Variants in EYS observed in about 807,000 individuals in gnomAD.
The protein encoded by EYS is protein eyes shut homolog.
In EYS, 250 loss-of-function variants were observed where a neutral mutation model predicts 282.1. The ratio of observed to expected loss-of-function variants is 0.89; its 90% CI spans 0.80 to 0.98. EYS has a LOEUF of 0.98. EYS is among the 50% of genes least tolerant of loss of function. EYS has a pLI of 0.00. For missense variants in EYS, 4,016 were observed against 3,709.0 expected, an observed-to-expected ratio of 1.08 and a Z score of -2.15; for synonymous variants, 1,355 against 1,282.9, an observed-to-expected ratio of 1.06 and a Z score of -1.20.
At chr6:65,273,663 T>G (rs113982321) in intron 12 of EYS, among the ~76,000 whole-genome samples, 1 of 152,200 alleles carries the variant, frequency 6.6e-6, no homozygotes, top group Non-Finnish European at 1.5e-5. Flanking sequence ...AGTTCTTGTT[T>G]TCCTTGCAAT....
intron 33 of EYS, among the ~76,000 whole-genome samples, chr6:64,001,056 A>G (rs960095977): frequency 6.6e-6 from 1 of 152,240 alleles, no homozygotes; most frequent in South Asian, 2.1e-4. Flanking sequence ...CCTCTCAAGT[A>G]TTGCTGAGGC....
In EYS at chr6:65,692,577, G is replaced by A. The variant is rs1769283333; in HGVS notation, c.-448+14558C>T. 1.3e-5 allele frequency among the ~76,000 whole-genome samples: 2 copies of A among 149,958 alleles called. 1 individual carries two copies. The highest frequency in any genetic ancestry group is 3.0e-5 in the Non-Finnish European group (2 of 67,584). Reference sequence around the variant, plus strand: ...TTGTGATATTATAATTGTAAAAGATGTCACTACAATGATAAATATAAATGG... The same window carrying A: ...TTGTGATATTATAATTGTAAAAGATATCACTACAATGATAAATATAAATGG... On this transcript the variant is annotated intron_variant, in intron 1 of 42. Coordinates refer to ENST00000503581, the MANE Select transcript of EYS (RefSeq NM_001142800.2).
At chr6:65,482,333 A>C (rs1328140778) in intron 5 of EYS, among the ~76,000 whole-genome samples, 31 of 152,178 alleles carry the variant, frequency 2.0e-4, no homozygotes, top group Non-Finnish European at 2.9e-5. Context: ...TTGACTATAC[A>C]TGTGTGCTTA....
chr6:65,601,166 A>T (rs1562281231), intron 2 of EYS, among the ~76,000 whole-genome samples: 1 of 151,956 alleles, frequency 6.6e-6, no homozygotes, highest in Admixed American at 6.6e-5. Context: ...AAGCAAGTTT[A>T]TTAGTGCTTT....
At chr6:64,864,273 T>A (rs1173394837) in intron 19 of EYS, among the ~76,000 whole-genome samples, 2 of 151,938 alleles carry the variant, frequency 1.3e-5, no homozygotes, top group East Asian at 3.9e-4. Context: ...CTAAATTATA[T>A]TTTTAGATTT....
intron 12 of EYS, among the ~76,000 whole-genome samples, chr6:65,228,913 G>A (rs1766698146): frequency 6.6e-6 from 1 of 151,990 alleles, no homozygotes; most frequent in Non-Finnish European, 1.5e-5. Flanking sequence ...GTGGGAAAGA[G>A]CATTTTATCA....
intron 11 of EYS, among the ~76,000 whole-genome samples, chr6:65,317,521 G>C (rs1296981946): frequency 6.6e-6 from 1 of 152,116 alleles, no homozygotes; most frequent in East Asian, 1.9e-4. Flanking sequence ...ATCTATTGCT[G>C]TGAAACAAAT....
chr6:64,537,683 A>C (rs188064439), intron 26 of EYS, among the ~76,000 whole-genome samples: 1 of 152,318 alleles, frequency 6.6e-6, no homozygotes, highest in East Asian at 1.9e-4. Flanking sequence ...TAGAGACTTC[A>C]TGATGAGTAC....
chr6:65,495,441 T>C lies in EYS; in HGVS notation c.-31A>G. The C allele has an allele frequency of 6.2e-7, 1 of 1,601,958 alleles. No homozygotes were observed. Among genetic ancestry groups the C allele is most frequent in the Non-Finnish European group, 8.5e-7 (1 of 1,178,782 alleles). ...GGTAGCTGTATTTTACAGTTTATCA[T>C]AAAGAATTGCTGCAAAATGGTGTTT... is the stretch of plus-strand genomic sequence containing the variant. On this transcript the variant is annotated 5_prime_UTR_variant, in exon 4 of 43. It removes an upstream start codon present in the reference 5' UTR. Transcript: ENST00000503581.
At chr6:64,772,106 A>T (rs1204668479) in intron 22 of EYS, among the ~76,000 whole-genome samples, 2 of 151,654 alleles carry the variant, frequency 1.3e-5, no homozygotes, top group Admixed American at 1.3e-4. Flanking sequence ...CCAACAATTA[A>T]TTTTATAAAA....
At chr6:64,196,818 A>G (rs1289448638) in intron 31 of EYS, among the ~76,000 whole-genome samples, 5 of 151,930 alleles carry the variant, frequency 3.3e-5, no homozygotes, top group African/African-American at 4.8e-5. Context: ...TGGGTGCAGC[A>G]CACCAGCATG....
chr6:65,027,014 T>C (rs1583411985), intron 13 of EYS, among the ~76,000 whole-genome samples: 1 of 138,706 alleles, frequency 7.2e-6, no homozygotes, highest in Non-Finnish European at 1.5e-5. Context: ...TGCCTATTTG[T>C]AATGTGTGTT....
intron 31 of EYS, among the ~76,000 whole-genome samples, chr6:64,150,005 C>T (rs148651292): frequency 2.0e-5 from 3 of 152,296 alleles, no homozygotes; most frequent in African/African-American, 4.8e-5. Context: ...GTTATAGTCA[C>T]CATTACTGGT....
intron 2 of EYS, among the ~76,000 whole-genome samples, chr6:65,590,516 A>G (rs1024917525): frequency 6.6e-6 from 1 of 152,000 alleles, no homozygotes; most frequent in Non-Finnish European, 1.5e-5. Context: ...CTATTTAAAA[A>G]TATACACTAT....
At chr6:64,009,950 G>A (rs1400524792) in intron 33 of EYS, among the ~76,000 whole-genome samples, 7 of 151,696 alleles carry the variant, frequency 4.6e-5, no homozygotes, top group Admixed American at 4.6e-4. Context: ...TTCCTTGGGG[G>A]TTTGATTGTG....
intron 14 of EYS, among the ~76,000 whole-genome samples, chr6:64,967,540 A>G (rs2150109405): frequency 6.6e-6 from 1 of 152,154 alleles, no homozygotes; most frequent in Admixed American, 6.5e-5. Flanking sequence ...CTGGTCTCGA[A>G]GTCCCGACCT....
At chr6:65,598,838 T>C (rs1765508458) in intron 2 of EYS, among the ~76,000 whole-genome samples, 1 of 152,114 alleles carries the variant, frequency 6.6e-6, no homozygotes, top group African/African-American at 2.4e-5. Context: ...CTTGAACGTA[T>C]TATTTAACCT....
intron 31 of EYS, among the ~76,000 whole-genome samples, chr6:64,182,074 TAATATA>T (rs1402092211): frequency 6.6e-6 from 1 of 152,176 alleles, no homozygotes; most frequent in African/African-American, 2.4e-5. Flanking sequence ...AATTGAATCT[TAATATA>T]AAAAACCATG....
chr6:64,519,071 G>C (rs1327201810), intron 26 of EYS, among the ~76,000 whole-genome samples: 3 of 151,774 alleles, frequency 2.0e-5, no homozygotes, highest in Non-Finnish European at 4.4e-5. Flanking sequence ...ATTAAATCCT[G>C]AATGCAGAGC....
Sources: gnomAD v4.1 joint callset for allele counts (sites outside exome capture counted in the v4.1 genomes callset) on GRCh38, gnomAD v4.1.1 for gene constraint, MANE v1.5 for transcripts, NCBI Gene and HGNC (gene_info 2026-07-23, HGNC 2026-07-21) for gene names.